TENM2: variants seen among roughly 807,000 people sequenced by gnomAD.
TENM2 encodes teneurin-2.
In TENM2, 52 loss-of-function variants were observed where a neutral mutation model predicts 245.2. The ratio of observed to expected loss-of-function variants is 0.21; its 90% CI spans 0.17 to 0.27. The LOEUF is 0.27. Ranked by LOEUF, TENM2 falls within the 10% of genes least tolerant of loss-of-function variation. TENM2 has a pLI of 1.00. For synonymous variants in TENM2, 1,363 were observed against 1,438.9 expected (o/e 0.95, Z 1.19); for missense variants, 3,046 against 3,666.8 (o/e 0.83, Z 4.37).
At chr5:167,159,921 A>G in the TENM2 span, among the ~76,000 whole-genome samples, 3 of 152,238 alleles carry the variant, frequency 2.0e-5, no homozygotes, top group Non-Finnish European at 2.9e-5. Flanking sequence ...TCCACTTCAC[A>G]TACAAACAGT....
At chr5:167,123,063 C>T in the TENM2 span, among the ~76,000 whole-genome samples, 1 of 151,182 alleles carries the variant, frequency 6.6e-6, no homozygotes, top group East Asian at 2.0e-4. Flanking sequence ...TTTGGGAGGC[C>T]AAGGCGAGTG....
chr5:167,867,499 G>C (rs1239613545), intron 2 of TENM2, among the ~76,000 whole-genome samples: 1 of 152,178 alleles, frequency 6.6e-6, no homozygotes, highest in Non-Finnish European at 1.5e-5. Flanking sequence ...TTATGCATAA[G>C]AGCTTGTTCA....
At chr5:167,915,299 C>T (rs1332894535) in intron 3 of TENM2, among the ~76,000 whole-genome samples, 1 of 152,112 alleles carries the variant, frequency 6.6e-6, no homozygotes, top group African/African-American at 2.4e-5. Flanking sequence ...TTGTAGTCCA[C>T]AGGAGTAGGG....
chr5:168,146,163 AC>A, intron 12 of TENM2, among the ~76,000 whole-genome samples: 1 of 151,802 alleles, frequency 6.6e-6, no homozygotes, highest in Admixed American at 6.6e-5. Context: ...CTAATTGAAT[AC>A]CCTTTATTTC....
the TENM2 span, among the ~76,000 whole-genome samples, chr5:167,172,816 G>A: frequency 1.8e-4 from 28 of 152,046 alleles, no homozygotes; most frequent in African/African-American, 5.8e-4. Flanking sequence ...GGGTCTCACC[G>A]AGTTGCTCAT....
chr5:167,068,686 A>C, the TENM2 span, among the ~76,000 whole-genome samples: 1 of 152,072 alleles, frequency 6.6e-6, no homozygotes, highest in African/African-American at 2.4e-5. Context: ...CTGGGGCTTG[A>C]AATGGTATCA....
the TENM2 span, among the ~76,000 whole-genome samples, chr5:167,209,659 C>A: frequency 6.6e-6 from 1 of 152,152 alleles, no homozygotes; most frequent in African/African-American, 2.4e-5. Flanking sequence ...TTTGTAAAAT[C>A]ACTTTTTCTT....
At chr5:168,246,395 C>T (rs1487715425) in intron 26 of TENM2, among the ~76,000 whole-genome samples, 2 of 152,210 alleles carry the variant, frequency 1.3e-5, no homozygotes, top group African/African-American at 4.8e-5. Flanking sequence ...CCTCTTACTT[C>T]AGCTGTCCAG....
chr5:167,595,531 A>G (rs1325859375), intron 2 of TENM2, among the ~76,000 whole-genome samples: 1 of 152,248 alleles, frequency 6.6e-6, no homozygotes, highest in Non-Finnish European at 1.5e-5. Flanking sequence ...TTTCAATCCA[A>G]TTACTTTCTC....
At chr5:167,682,813 G>T (rs1756823702) in intron 2 of TENM2, among the ~76,000 whole-genome samples, 1 of 152,230 alleles carries the variant, frequency 6.6e-6, no homozygotes, top group Non-Finnish European at 1.5e-5. Context: ...GGGGACCCTG[G>T]CTGTAACAGC....
the TENM2 span, among the ~76,000 whole-genome samples, chr5:167,193,186 T>A: frequency 6.6e-6 from 1 of 152,164 alleles, no homozygotes; most frequent in Admixed American, 6.6e-5. Flanking sequence ...TTCCCATTTC[T>A]CTTAAACCCA....
At chr5:167,538,998 C>T (rs926547381) in intron 2 of TENM2, among the ~76,000 whole-genome samples, 13 of 152,110 alleles carry the variant, frequency 8.5e-5, no homozygotes, top group African/African-American at 2.4e-4. Context: ...CCTAAGAAAA[C>T]GATAATCTCA....
intron 2 of TENM2, among the ~76,000 whole-genome samples, chr5:167,502,671 G>C (rs889639425): frequency 6.6e-6 from 1 of 152,146 alleles, no homozygotes; most frequent in African/African-American, 2.4e-5. Flanking sequence ...AAGAATATCA[G>C]GTTAGAAAGA....
At chr5:168,087,134 A>T (rs571865040) in intron 7 of TENM2, 60 of 152,356 alleles carry the variant, frequency 3.9e-4, no homozygotes, top group African/African-American at 1.3e-3. Flanking sequence ...GTGTTAATCT[A>T]TGCATAGTGA....
intron 4 of TENM2, among the ~76,000 whole-genome samples, chr5:167,968,333 C>G (rs1451261822): frequency 6.6e-6 from 1 of 152,152 alleles, no homozygotes; most frequent in Admixed American, 6.5e-5. Context: ...CTTATTGAAT[C>G]ATTTCTTGCT....
intron 5 of TENM2, among the ~76,000 whole-genome samples, chr5:167,998,566 C>T (rs1466463846): frequency 6.6e-6 from 1 of 152,186 alleles, no homozygotes; most frequent in Non-Finnish European, 1.5e-5. Flanking sequence ...ATACACTGAG[C>T]TTCTGCCAAA....
intron 2 of TENM2, among the ~76,000 whole-genome samples, chr5:167,626,066 C>T (rs1254709526): frequency 6.6e-6 from 1 of 152,114 alleles, no homozygotes; most frequent in Non-Finnish European, 1.5e-5. Context: ...AAAAGTGATT[C>T]ACTAAGCCCA....
chr5:167,727,347 C>T (rs1030725261), intron 2 of TENM2, among the ~76,000 whole-genome samples: 1 of 151,996 alleles, frequency 6.6e-6, no homozygotes, highest in Non-Finnish European at 1.5e-5. Flanking sequence ...CCCCTGACCT[C>T]GTGATCCTCC....
intron 2 of TENM2, among the ~76,000 whole-genome samples, chr5:167,727,322 C>T (rs1399899457): frequency 1.3e-5 from 2 of 152,090 alleles, no homozygotes; most frequent in African/African-American, 4.8e-5. Context: ...CCGTGTTAGC[C>T]AGGATGGTCT....
Sources: gnomAD v4.1 joint callset for allele counts (sites outside exome capture counted in the v4.1 genomes callset) on GRCh38, gnomAD v4.1.1 for gene constraint, MANE v1.5 for transcripts, NCBI Gene and HGNC (gene_info 2026-07-23, HGNC 2026-07-21) for gene names.